KLHL32: variants seen among roughly 807,000 people sequenced by gnomAD.
The protein encoded by KLHL32 is kelch like family member 32.
KLHL32 carries 35 observed loss-of-function variants against 64.8 expected under a neutral mutation model. The observed-to-expected ratio is 0.54, with a 90% CI of 0.41 to 0.72. KLHL32 has a LOEUF of 0.72. Ranked by LOEUF, KLHL32 falls within the 30% of genes least tolerant of loss-of-function variation. The probability of loss-of-function intolerance (pLI) is 0.00; values close to 1 mark genes in which losing one functional copy is unlikely to be tolerated. For synonymous variants in KLHL32, 259 were observed against 281.0 expected (o/e 0.92, Z 0.78); for missense variants, 589 against 768.5 (o/e 0.77, Z 2.76).
chr6:96,963,757 A>G (rs892690832), intron 1 of KLHL32, among the ~76,000 whole-genome samples: 1 of 152,230 alleles, frequency 6.6e-6, no homozygotes, highest in Admixed American at 6.5e-5. Flanking sequence ...TAAAATCAAT[A>G]AATTCTCTGT....
intron 4 of KLHL32, among the ~76,000 whole-genome samples, chr6:97,057,570 C>A (rs59655968): frequency 0.083 from 11,911 of 143,180 alleles, 906 homozygotes; most frequent in Admixed American, 0.18. Flanking sequence ...GCCCCCATTT[C>A]AAAAAATCAG....
chr6:96,940,956 C>G lies in KLHL32; in HGVS notation c.-66+15930C>G, dbSNP rs886389432. 2.0e-5 allele frequency among the ~76,000 whole-genome samples: 3 copies of G among 152,040 alleles called. No individual in the cohort carries two copies. The South Asian group carries it at 6.2e-4, about 32-fold the overall frequency. On this transcript the variant is annotated intron_variant, in intron 1 of 10. Coordinates refer to ENST00000369261, the MANE Select transcript of KLHL32 (RefSeq NM_052904.4). Reference sequence around the variant, plus strand: ...TTGTTGGAATTCAGAGAATGGAAAGCGTAATAGATGATGTGAAATGTACAA... The same window carrying G: ...TTGTTGGAATTCAGAGAATGGAAAGGGTAATAGATGATGTGAAATGTACAA...
At chr6:96,917,709 G>T in the KLHL32 span, among the ~76,000 whole-genome samples, 1 of 152,234 alleles carries the variant, frequency 6.6e-6, no homozygotes, top group South Asian at 2.1e-4. Flanking sequence ...TGTGTGCCAG[G>T]GATCAATTCC....
intron 1 of KLHL32, among the ~76,000 whole-genome samples, chr6:96,960,047 T>C (rs1773713652): frequency 6.6e-6 from 1 of 152,228 alleles, no homozygotes; most frequent in Non-Finnish European, 1.5e-5. Context: ...TGTCTTTCAG[T>C]AAATTCCTTG....
intron 1 of KLHL32, among the ~76,000 whole-genome samples, chr6:96,962,390 CT>C (rs1773975288): frequency 6.6e-6 from 1 of 152,076 alleles, no homozygotes; most frequent in Admixed American, 6.6e-5. Flanking sequence ...GAAAAAATTG[CT>C]GTATTTTAAG....
chr6:97,023,695 A>G (rs9481207), intron 3 of KLHL32, among the ~76,000 whole-genome samples: 9,925 of 152,262 alleles, frequency 0.065, 695 homozygotes, highest in African/African-American at 0.17. Context: ...CAGGCTTTTC[A>G]CTGTTTTCTC....
rs1332940660 is a variant in KLHL32 at position 97,041,498 on chromosome 6, T to A, written c.211T>A (p.Phe71Ile). Residue 71 changes from phenylalanine to isoleucine, a missense_variant, in exon 4 of 11, where the codon TTC becomes ATC. Phe to Ile is a conservative substitution (Grantham distance 21). Around this residue, in one of 3 missense-constraint regions of KLHL32, gnomAD observed 191 missense variants for 223.3 expected, o/e 0.86. Coordinates refer to ENST00000369261, the MANE Select transcript of KLHL32 (RefSeq NM_052904.4). ...AACSDYFRAM[F>I]SLCMVESGAD... is the part of the protein sequence containing the mutation. ...CTCCCTTTCCTCACCTCAGGCAATGTTCAGTCTTTGTATGGTGGAAAGTGG... is the reference window on the plus strand; with the variant it reads ...CTCCCTTTCCTCACCTCAGGCAATGATCAGTCTTTGTATGGTGGAAAGTGG... 2 of 1,611,498 alleles carry A rather than the reference T, an allele frequency of 1.2e-6. No homozygotes were observed. Among genetic ancestry groups the A allele is most frequent in the Non-Finnish European group, 1.7e-6 (2 of 1,177,626 alleles).
At chr6:96,927,830 G>A (rs1769350045) in intron 1 of KLHL32, among the ~76,000 whole-genome samples, 4 of 152,182 alleles carry the variant, frequency 2.6e-5, no homozygotes, top group Admixed American at 2.6e-4. Context: ...TACCGTCTCT[G>A]CCCTCAATGA....
chr6:97,112,442 A>G (rs964717660), intron 6 of KLHL32, among the ~76,000 whole-genome samples: 1 of 151,486 alleles, frequency 6.6e-6, no homozygotes, highest in Non-Finnish European at 1.5e-5. Flanking sequence ...TGGTTTTTTC[A>G]TTGATGATTT....
intron 4 of KLHL32, among the ~76,000 whole-genome samples, chr6:97,062,087 A>G (rs1788999492): frequency 6.6e-6 from 1 of 152,212 alleles, no homozygotes; most frequent in Admixed American, 6.5e-5. Flanking sequence ...ACAAAAAATA[A>G]AAAAAGACAA....
chr6:97,031,688 A>G (rs748553375), intron 3 of KLHL32, among the ~76,000 whole-genome samples: 1 of 152,166 alleles, frequency 6.6e-6, no homozygotes, highest in African/African-American at 2.4e-5. Context: ...GAAGTTCTGT[A>G]TTTATAGAAG....
intron 3 of KLHL32, among the ~76,000 whole-genome samples, chr6:97,013,844 T>G (rs1780735458): frequency 6.6e-6 from 1 of 152,244 alleles, no homozygotes; most frequent in Admixed American, 6.5e-5. Context: ...TATATTGGGT[T>G]ATTTCCCCTG....
At chr6:96,912,053 C>G in the KLHL32 span, among the ~76,000 whole-genome samples, 1 of 151,992 alleles carries the variant, frequency 6.6e-6, no homozygotes, top group South Asian at 2.1e-4. Flanking sequence ...AGAAGTCCTA[C>G]AGGCCTTTCA....
intron 3 of KLHL32, among the ~76,000 whole-genome samples, chr6:97,007,376 G>T (rs533201611): frequency 6.6e-6 from 1 of 151,878 alleles, no homozygotes; most frequent in Non-Finnish European, 1.5e-5. Flanking sequence ...TCATCTTTTC[G>T]CTCCTGTTTC....
At chr6:96,990,921 T>A (rs1359973686) in intron 3 of KLHL32, among the ~76,000 whole-genome samples, 1 of 152,128 alleles carries the variant, frequency 6.6e-6, no homozygotes, top group Non-Finnish European at 1.5e-5. Context: ...GAAGTACCAC[T>A]GCAGTGGCAG....
intron 3 of KLHL32, among the ~76,000 whole-genome samples, chr6:97,033,138 A>G (rs1449426889): frequency 6.6e-6 from 1 of 152,216 alleles, no homozygotes; most frequent in Non-Finnish European, 1.5e-5. Flanking sequence ...AATAGACCGC[A>G]GTATAGTGTC....
upstream of KLHL32, among the ~76,000 whole-genome samples, chr6:96,923,382 GA>G (rs1768822052): frequency 1.3e-5 from 2 of 152,176 alleles, no homozygotes; most frequent in African/African-American, 4.8e-5. Context: ...AGTTGCTTAT[GA>G]AAAATTCTTA....
chr6:96,934,535 A>G (rs760838720), intron 1 of KLHL32, among the ~76,000 whole-genome samples: 156 of 152,346 alleles, frequency 1.0e-3, no homozygotes, highest in Admixed American at 2.7e-3. Context: ...CAACACAAAC[A>G]ATTCTCTACC....
intron 3 of KLHL32, among the ~76,000 whole-genome samples, chr6:97,007,601 A>G (rs1297534100): frequency 1.3e-5 from 2 of 152,154 alleles, no homozygotes; most frequent in East Asian, 1.9e-4. Context: ...GTTCTTTCTC[A>G]TGTGTATGGG....
Sources: allele counts gnomAD v4.1 joint callset (sites outside exome capture counted in the v4.1 genomes callset), GRCh38; gene constraint gnomAD v4.1.1; regional missense constraint gnomAD v4.1.1; transcripts MANE v1.5; gene names NCBI Gene and HGNC (gene_info 2026-07-23, HGNC 2026-07-21).